Variants in NMD3 observed in about 807,000 individuals in gnomAD.
NMD3 encodes the protein 60S ribosomal export protein NMD3.
In NMD3, 47 loss-of-function variants were observed where a neutral mutation model predicts 73.1. The ratio of observed to expected loss-of-function variants is 0.64; its 90% CI spans 0.51 to 0.82. The LOEUF (loss-of-function observed/expected upper bound fraction) is 0.82. Ranked by LOEUF, NMD3 falls within the 40% of genes least tolerant of loss-of-function variation. NMD3 has a pLI of 0.00. For synonymous variants in NMD3, 210 were observed against 194.5 expected (o/e 1.08, Z -0.66); for missense variants, 554 against 612.5 (o/e 0.90, Z 1.01).
intron 15 of NMD3, 137 bp downstream of exon 15, chr3:161,250,463 CA>C (rs906251286): frequency 1.1e-4 from 62 of 589,958 alleles, no homozygotes; most frequent in Non-Finnish European, 1.7e-4. Flanking sequence ...CACACTTCTA[CA>C]AAAAAACTTG....
chr3:161,225,629 A>G (rs979903373), intron 3 of NMD3, among the ~76,000 whole-genome samples: 2 of 152,200 alleles, frequency 1.3e-5, no homozygotes, highest in East Asian at 1.9e-4. Context: ...TTGTCAGCAT[A>G]AACAACTTAC....
chr3:161,231,973 A>G (rs1043330743), intron 4 of NMD3, among the ~76,000 whole-genome samples: 1 of 149,834 alleles, frequency 6.7e-6, no homozygotes, highest in Non-Finnish European at 1.5e-5. Context: ...TATGGTAAAG[A>G]AAGAAAGGGA....
intron 11 of NMD3, among the ~76,000 whole-genome samples, chr3:161,246,128 A>C (rs1737191095): frequency 6.6e-6 from 1 of 152,152 alleles, no homozygotes; most frequent in Non-Finnish European, 1.5e-5. Context: ...TCAATGATTT[A>C]TTTTTATGAA....
In NMD3 at chr3:161,250,695, A is replaced by T. The variant is rs1737449154; in HGVS notation, c.1382-85A>T. The T allele has an allele frequency of 8.9e-6, 7 of 787,390 alleles. No homozygotes were observed. In the Admixed American group the frequency reaches 1.4e-4, roughly 16 times the overall value. 48.8% of individuals were successfully genotyped at this position (787,390 alleles called of 1,614,324 possible). ...TTACATAATAATAATGATAAGGTAG[A>T]TATTTGTATATTTTCAAATATATTT... On this transcript the variant is annotated intron_variant, in intron 15 of 15. Coordinates refer to ENST00000351193, the MANE Select transcript of NMD3 (RefSeq NM_015938.5).
intron 9 of NMD3, 42 bp downstream of exon 9, chr3:161,238,868 C>A: frequency 1.0e-6 from 1 of 958,942 alleles, no homozygotes; most frequent in Non-Finnish European, 1.6e-6. Flanking sequence ...TAAAAGAGTA[C>A]AAGTAATTAA....
Position 161,225,037 on chromosome 3 carries a change from C to T in NMD3, c.152C>T (p.Ser51Leu), listed in dbSNP as rs766976499. 14 of 1,613,626 alleles carry T rather than the reference C, an allele frequency of 8.7e-6. No homozygotes were observed. Among genetic ancestry groups the T allele is most frequent in the African/African-American group, 1.3e-5 (1 of 74,828 alleles). ...DISQGIPKQV[S>L]ISFCKQCQRY... Reference sequence around the variant, plus strand: ...AGCCAAGGTATTCCGAAACAAGTCTCGATTTCGTTCTGCAAACAATGTCAA... The same window carrying T: ...AGCCAAGGTATTCCGAAACAAGTCTTGATTTCGTTCTGCAAACAATGTCAA... Residue 51 changes from serine (S) to leucine (L), a missense_variant, in exon 3 of 16, where the codon TCG becomes TTG. By Grantham distance (145) the Ser-to-Leu change is moderately radical. Transcript: ENST00000351193.
intron 13 of NMD3, among the ~76,000 whole-genome samples, chr3:161,249,249 A>G (rs1737377289): frequency 6.6e-6 from 1 of 150,672 alleles, no homozygotes; most frequent in Non-Finnish European, 1.5e-5. Context: ...AATTGTACAA[A>G]TAATGCTTGA....
chr3:161,252,489 A>C (rs764191070), downstream of NMD3, among the ~76,000 whole-genome samples: 1 of 152,182 alleles, frequency 6.6e-6, no homozygotes, highest in Non-Finnish European at 1.5e-5. Context: ...TTAAGTATTG[A>C]AACTTCTTGG....
At chr3:161,236,016 A>C (rs193166419) in intron 7 of NMD3, among the ~76,000 whole-genome samples, 1 of 151,802 alleles carries the variant, frequency 6.6e-6, no homozygotes, top group Non-Finnish European at 1.5e-5. Context: ...CCTCAACTCT[A>C]TTTAGTTCTG....
intron 7 of NMD3, among the ~76,000 whole-genome samples, chr3:161,236,818 C>G (rs140148044): frequency 3.3e-5 from 5 of 152,216 alleles, no homozygotes; most frequent in African/African-American, 1.2e-4. Flanking sequence ...CTGTCCTTTC[C>G]TCAGTGAATG....
At chr3:161,238,613 T>C in intron 8 of NMD3, 117 bp from the exon 9 acceptor site, 2 of 639,216 alleles carry the variant, frequency 3.1e-6, no homozygotes, top group Non-Finnish European at 5.6e-6. Context: ...GGAGGCATCA[T>C]GAAGCCATTT....
chr3:161,249,305 G>C (rs1737379237), intron 13 of NMD3, 149 bp from the exon 14 acceptor site: 1 of 460,034 alleles, frequency 2.2e-6, no homozygotes, highest in Non-Finnish European at 3.9e-6. Flanking sequence ...AATTTTAAAA[G>C]TCCTCTTGAC....
At position 161,225,595 on chromosome 3, in the gene NMD3, A is replaced by T. The variant is rs577958900; in HGVS notation, c.179+531A>T. ...GGAAGAAGACTTCTTCTGAATGTTA[A>T]TGTTTCATTCCTCTTGATTTTCTTT... On this transcript the variant is annotated intron_variant, in intron 3 of 15. Transcript: ENST00000351193. Among the ~76,000 whole-genome samples the T allele has an allele frequency of 4.3e-4, 65 of 152,310 alleles. 1 individual carries two copies. The South Asian group carries it at 0.012, about 29-fold the overall frequency.
chr3:161,242,748 A>G (rs750875577), intron 11 of NMD3, 95 bp downstream of exon 11: 4 of 1,214,182 alleles, frequency 3.3e-6, no homozygotes, highest in Non-Finnish European at 4.6e-6. Flanking sequence ...GTGTTTCCAC[A>G]GTATGGAATC....
intron 7 of NMD3, 92 bp downstream of exon 7, chr3:161,235,304 A>T: frequency 1.9e-6 from 1 of 534,852 alleles, no homozygotes. Context: ...TATCTGGATT[A>T]GTACTGTCCA....
chr3:161,240,526 A>ATT (rs539406360), intron 9 of NMD3, among the ~76,000 whole-genome samples: 1,237 of 111,680 alleles, frequency 0.011, 62 homozygotes, highest in African/African-American at 0.044. Flanking sequence ...TGGGCCCTGG[A>ATT]TTTTTTTTTT....
chr3:161,248,041 C>T (rs941013856), intron 13 of NMD3, among the ~76,000 whole-genome samples: 1 of 151,868 alleles, frequency 6.6e-6, no homozygotes, highest in Non-Finnish European at 1.5e-5. Flanking sequence ...CCACCTCAGC[C>T]TCTCAAGTAG....
Position 161,244,655 on chromosome 3 carries a change from TTTA to T in NMD3, c.1018-1680_1018-1678del, listed in dbSNP as rs1228209648. ...TTTCTTTTCCTTTTTTTTTTTTTTT[TTTA>T]AAGAGACAAGGTCTCACTCTGTCTC... On this transcript the variant is annotated intron_variant, in intron 11 of 15. Transcript: ENST00000351193. Among the ~76,000 whole-genome samples, 16 of 146,694 alleles carry T rather than the reference TTTA, an allele frequency of 1.1e-4. No homozygotes were observed. In the East Asian group the frequency reaches 2.2e-3, roughly 21 times the overall value.
intron 3 of NMD3, 95 bp from the exon 4 acceptor site, chr3:161,227,152 C>A: frequency 3.1e-6 from 2 of 643,758 alleles, no homozygotes. Flanking sequence ...TTTATTATGC[C>A]TGGTTAATAA....
Sources: allele counts gnomAD v4.1 joint callset (sites outside exome capture counted in the v4.1 genomes callset), GRCh38; gene constraint gnomAD v4.1.1; transcripts MANE v1.5; gene names NCBI Gene and HGNC (gene_info 2026-07-23, HGNC 2026-07-21).